VPS13B: variants seen among roughly 807,000 people sequenced by gnomAD.
VPS13B encodes intermembrane lipid transfer protein VPS13B.
In VPS13B, 285 loss-of-function variants were observed where a neutral mutation model predicts 426.4. The observed-to-expected ratio is 0.67, with a 90% confidence interval of 0.61 to 0.74. The LOEUF (loss-of-function observed/expected upper bound fraction) is 0.74. VPS13B is among the 30% of genes least tolerant of loss of function. VPS13B has a pLI of 0.00. For synonymous variants in VPS13B, 1,676 were observed against 1,676.4 expected, an observed-to-expected ratio of 1.00 and a Z score of 0.01; for missense variants, 4,537 against 4,782.6, an observed-to-expected ratio of 0.95 and a Z score of 1.51.
intron 52 of VPS13B, 69 bp from the exon 53 acceptor site, chr8:99,835,128 T>A: frequency 6.2e-7 from 1 of 1,602,054 alleles, no homozygotes; most frequent in African/African-American, 1.3e-5. Context: ...TAAATAAACA[T>A]GTTCCAGAGG....
intron 19 of VPS13B, among the ~76,000 whole-genome samples, chr8:99,376,212 A>G (rs181388944): frequency 2.0e-5 from 3 of 152,316 alleles, no homozygotes; most frequent in East Asian, 1.9e-4. Context: ...TTAGTGATCT[A>G]TGGTGGATGT....
intron 28 of VPS13B, among the ~76,000 whole-genome samples, chr8:99,508,831 G>GA (rs932719438): frequency 2.0e-5 from 3 of 151,180 alleles, no homozygotes; most frequent in East Asian, 3.9e-4. Context: ...ATTACTGTAT[G>GA]AAAAAATGAT....
At chr8:99,028,018 C>G (rs908960392) in intron 2 of VPS13B, among the ~76,000 whole-genome samples, 2 of 152,200 alleles carry the variant, frequency 1.3e-5, no homozygotes, top group East Asian at 3.8e-4. Context: ...TCAGAGAGCA[C>G]AGGGTTGGGG....
intron 13 of VPS13B, 118 bp downstream of exon 13, chr8:99,143,283 A>G (rs1810531138): frequency 2.4e-6 from 3 of 1,230,040 alleles, no homozygotes; most frequent in Non-Finnish European, 3.6e-6. Flanking sequence ...GTTTGCAAGG[A>G]CTTTGATATA....
chr8:99,692,410 C>T (rs2130097412), intron 35 of VPS13B, among the ~76,000 whole-genome samples: 1 of 141,348 alleles, frequency 7.1e-6, no homozygotes, highest in South Asian at 2.4e-4. Flanking sequence ...CGCTCAACTA[C>T]ATGGAAACTG....
At chr8:99,578,183 A>G (rs1468162193) in intron 33 of VPS13B, among the ~76,000 whole-genome samples, 3 of 152,166 alleles carry the variant, frequency 2.0e-5, no homozygotes, top group Admixed American at 6.5e-5. Flanking sequence ...AAAGAAAGCT[A>G]TTTGTTAGAT....
chr8:99,858,205 C>G (rs2130929924), intron 56 of VPS13B, among the ~76,000 whole-genome samples: 1 of 152,374 alleles, frequency 6.6e-6, no homozygotes, highest in East Asian at 1.9e-4. Context: ...AGAAAGCTGT[C>G]TTTTCAGACT....
At chr8:99,286,013 C>T (rs1403537322) in intron 19 of VPS13B, among the ~76,000 whole-genome samples, 2 of 151,266 alleles carry the variant, frequency 1.3e-5, no homozygotes, top group Non-Finnish European at 3.0e-5. Flanking sequence ...TTTGCCCTTC[C>T]TCCTCCCCAT....
intron 36 of VPS13B, among the ~76,000 whole-genome samples, chr8:99,711,399 G>C (rs1356798808): frequency 6.6e-6 from 1 of 152,208 alleles, no homozygotes; most frequent in Non-Finnish European, 1.5e-5. Flanking sequence ...GGCAATGGCT[G>C]TTCCTGTGTC....
At chr8:99,255,169 G>A (rs1332661481) in intron 17 of VPS13B, among the ~76,000 whole-genome samples, 1 of 151,468 alleles carries the variant, frequency 6.6e-6, no homozygotes, top group Non-Finnish European at 1.5e-5. Flanking sequence ...GAGTTTCTTG[G>A]TTTGGTCATT....
chr8:99,346,203 G>A (rs1041291351), intron 19 of VPS13B: 5 of 152,216 alleles, frequency 3.3e-5, no homozygotes, highest in African/African-American at 1.2e-4. Context: ...GGCTTGACAG[G>A]GCAAAGCCTT....
rs755125969 is a variant in VPS13B, at chr8:99,661,370, GC to G, written c.5927del (p.Pro1976LeufsTer18). 10 of 1,613,518 alleles carry G rather than the reference GC, an allele frequency of 6.2e-6. No homozygotes were observed. Among genetic ancestry groups the G allele is most frequent in the Non-Finnish European group, 7.6e-6 (9 of 1,179,752 alleles). ...TCACTTTAGATCCTGGGAAGACTCT[GC>G]CTGAAGCCCTTGATTATTGCACTGT... ...YKCIDPGKTL[P>X]EALDYCTVWL... On this transcript the variant is annotated frameshift_variant, in exon 35 of 62. Coordinates refer to ENST00000357162, the MANE Select transcript of VPS13B (RefSeq NM_152564.5). LOFTEE classifies it high-confidence loss of function.
At chr8:99,370,605 C>CTTT (rs1047111709) in intron 19 of VPS13B, among the ~76,000 whole-genome samples, 133 of 99,462 alleles carry the variant, frequency 1.3e-3, no homozygotes, top group Non-Finnish European at 1.8e-3. Flanking sequence ...GAGTGAAGGG[C>CTTT]TTTTTTTTTT....
chr8:99,137,040 A>C (rs1798575800), intron 12 of VPS13B, among the ~76,000 whole-genome samples: 1 of 152,108 alleles, frequency 6.6e-6, no homozygotes, highest in Admixed American at 6.5e-5. Flanking sequence ...ATATTACATT[A>C]AATTTTTAAA....
chr8:99,071,637 G>A (rs1457393585), intron 3 of VPS13B, among the ~76,000 whole-genome samples: 1 of 152,150 alleles, frequency 6.6e-6, no homozygotes, highest in Non-Finnish European at 1.5e-5. Flanking sequence ...ATCCAGCCAT[G>A]CTTGTGTCTT....
At chr8:99,174,616 T>A (rs1333245425) in intron 16 of VPS13B, among the ~76,000 whole-genome samples, 1 of 151,814 alleles carries the variant, frequency 6.6e-6, no homozygotes. Flanking sequence ...TTTTAATTAG[T>A]TTTTTTCCTT....
At chr8:99,781,188 A>AT (rs1323654710) in intron 42 of VPS13B, among the ~76,000 whole-genome samples, 2 of 152,048 alleles carry the variant, frequency 1.3e-5, no homozygotes, top group Non-Finnish European at 1.5e-5. Context: ...CTGGCTATAG[A>AT]TTTTCTTTTC....
intron 3 of VPS13B, among the ~76,000 whole-genome samples, chr8:99,044,011 C>T (rs1484983447): frequency 6.6e-6 from 1 of 151,452 alleles, no homozygotes; most frequent in African/African-American, 2.4e-5. Context: ...TACTTTCCTG[C>T]AACCATGTTT....
intron 61 of VPS13B, among the ~76,000 whole-genome samples, chr8:99,873,936 TG>T (rs1817564581): frequency 6.6e-6 from 1 of 152,266 alleles, no homozygotes; most frequent in African/African-American, 2.4e-5. Flanking sequence ...ATGACTTTTC[TG>T]GTTTTTAGCT....
Sources: gnomAD v4.1 joint callset for allele counts (sites outside exome capture counted in the v4.1 genomes callset) on GRCh38, gnomAD v4.1.1 for gene constraint, MANE v1.5 for transcripts, NCBI Gene and HGNC (gene_info 2026-07-23, HGNC 2026-07-21) for gene names.